CALN1: variants seen among roughly 807,000 people sequenced by gnomAD.
CALN1 encodes calcium-binding protein 8.
Under a neutral mutation model 30.6 loss-of-function variants are expected in CALN1, and 17 were observed. The observed-to-expected ratio is 0.56, with a 90% confidence interval of 0.38 to 0.83. The LOEUF (loss-of-function observed/expected upper bound fraction) is 0.83. Among genes scored for constraint, CALN1 ranks in the 40% least tolerant of loss-of-function variants. The pLI is 0.00. For synonymous variants in CALN1, 156 were observed against 131.4 expected (o/e 1.19, Z -1.28); for missense variants, 291 against 354.9 (o/e 0.82, Z 1.45).
At chr7:72,397,714 T>TCACACACACACACA (rs3138810) in intron 2 of CALN1, among the ~76,000 whole-genome samples, 5,799 of 142,786 alleles carry the variant, frequency 0.041, 155 homozygotes, top group Admixed American at 0.08. Flanking sequence ...CCATTCTCTC[T>TCACACACACACACA]CACACACACA....
chr7:71,981,443 C>T (rs763318123), intron 5 of CALN1, among the ~76,000 whole-genome samples: 5 of 151,996 alleles, frequency 3.3e-5, no homozygotes, highest in South Asian at 2.1e-4. Flanking sequence ...GAGGCTGAGG[C>T]GGAAGGATCA....
chr7:72,390,032 T>C (rs972536073), intron 2 of CALN1, among the ~76,000 whole-genome samples: 1 of 151,936 alleles, frequency 6.6e-6, no homozygotes, highest in Non-Finnish European at 1.5e-5. Flanking sequence ...TGGGGTAGTA[T>C]GATGAGTTCT....
chr7:72,413,532 C>A (rs930652994), upstream of CALN1, among the ~76,000 whole-genome samples: 3 of 151,800 alleles, frequency 2.0e-5, no homozygotes, highest in African/African-American at 7.3e-5. Context: ...CATAAACACG[C>A]ACACTCACAA....
At chr7:71,964,022 A>C (rs1331881740) in intron 5 of CALN1, among the ~76,000 whole-genome samples, 2 of 152,136 alleles carry the variant, frequency 1.3e-5, no homozygotes, top group Non-Finnish European at 2.9e-5. Flanking sequence ...TCCTGCTATG[A>C]ATCTCATTGT....
At chr7:71,941,592 A>C (rs1796134269) in intron 5 of CALN1, among the ~76,000 whole-genome samples, 1 of 152,214 alleles carries the variant, frequency 6.6e-6, no homozygotes, top group Non-Finnish European at 1.5e-5. Flanking sequence ...GAGAAATGCA[A>C]ATGAAAAGCA....
At chr7:72,183,656 G>C (rs146665899) in intron 3 of CALN1, among the ~76,000 whole-genome samples, 10 of 152,200 alleles carry the variant, frequency 6.6e-5, no homozygotes, top group Non-Finnish European at 7.3e-5. Flanking sequence ...ACATGACAGA[G>C]TGTATTAGCA....
intron 5 of CALN1, among the ~76,000 whole-genome samples, chr7:71,960,245 T>C (rs1797182451): frequency 6.6e-6 from 1 of 152,032 alleles, no homozygotes; most frequent in Admixed American, 6.6e-5. Context: ...GTTTCTTACA[T>C]GTATATATTG....
At chr7:71,954,815 T>C (rs1275422164) in intron 5 of CALN1, among the ~76,000 whole-genome samples, 7 of 152,136 alleles carry the variant, frequency 4.6e-5, no homozygotes, top group African/African-American at 1.7e-4. Flanking sequence ...CTGGCAGCAG[T>C]GAGTACAGAC....
At chr7:72,440,593 G>A (rs556828314) in intron 1 of CALN1, among the ~76,000 whole-genome samples, 2 of 152,260 alleles carry the variant, frequency 1.3e-5, no homozygotes, top group Admixed American at 6.5e-5. Flanking sequence ...TTGGAAGGCT[G>A]AGGCAGGCGG....
chr7:72,447,608 A>G (rs1043156992), upstream of CALN1, among the ~76,000 whole-genome samples: 1 of 152,134 alleles, frequency 6.6e-6, no homozygotes, highest in Non-Finnish European at 1.5e-5. Context: ...TCCTGAGAGC[A>G]CTGCCACTTA....
chr7:72,066,795 T>C (rs1264900434), intron 4 of CALN1, among the ~76,000 whole-genome samples: 1 of 151,854 alleles, frequency 6.6e-6, no homozygotes, highest in African/African-American at 2.4e-5. Context: ...TTATTTTTTT[T>C]TTTTGAGACA....
intron 2 of CALN1, among the ~76,000 whole-genome samples, chr7:72,281,930 T>C (rs1797755778): frequency 1.3e-5 from 2 of 152,086 alleles, no homozygotes; most frequent in African/African-American, 4.8e-5. Flanking sequence ...ACCAACATAA[T>C]TTGCTTCTGA....
At chr7:71,803,190 A>T (rs1787407934) in intron 6 of CALN1, among the ~76,000 whole-genome samples, 1 of 152,166 alleles carries the variant, frequency 6.6e-6, no homozygotes, top group Non-Finnish European at 1.5e-5. Context: ...AATGCCAGAG[A>T]GTTCCTGAAT....
At chr7:72,501,995 A>G in the CALN1 span, among the ~76,000 whole-genome samples, 5 of 133,920 alleles carry the variant, frequency 3.7e-5, 1 homozygote, top group African/African-American at 1.5e-4. Flanking sequence ...ATATATATAA[A>G]TATATATACA....
rs778356826 is a variant in CALN1 at position 72,114,243 on chromosome 7, T to G, written c.245-7949A>C. Reference sequence around the variant, plus strand: ...GTAAAGTAAAAGTAAAAATAAAAGTTGAAGGGAAGGGAAGGGAAGGGAAGG... The same window carrying G: ...GTAAAGTAAAAGTAAAAATAAAAGTGGAAGGGAAGGGAAGGGAAGGGAAGG... On this transcript the variant is annotated intron_variant, in intron 3 of 6. Coordinates refer to ENST00000395275, the MANE Select transcript of CALN1 (RefSeq NM_031468.4). Among the ~76,000 whole-genome samples, 38 of 40,414 alleles carry G rather than the reference T, an allele frequency of 9.4e-4. 5 individuals are homozygous for G. In the East Asian group the frequency reaches 0.069, roughly 73 times the overall value. 26.5% of individuals were successfully genotyped at this position (40,414 alleles called of 152,430 possible). A position where few individuals can be genotyped will look rare whatever the true frequency, so the allele number is the denominator to read the frequency against.
the CALN1 span, among the ~76,000 whole-genome samples, chr7:72,501,090 C>A: frequency 6.6e-6 from 1 of 152,050 alleles, no homozygotes; most frequent in Non-Finnish European, 1.5e-5. Flanking sequence ...CTTCCCATAT[C>A]TTCCAAGAAG....
chr7:72,000,139 A>G (rs1799454562), intron 5 of CALN1, among the ~76,000 whole-genome samples: 1 of 152,162 alleles, frequency 6.6e-6, no homozygotes, highest in African/African-American at 2.4e-5. Flanking sequence ...ATACAAAACA[A>G]AAAGCTACAA....
intron 5 of CALN1, among the ~76,000 whole-genome samples, chr7:71,837,392 T>C (rs986369977): frequency 2.0e-5 from 3 of 152,076 alleles, no homozygotes; most frequent in African/African-American, 7.2e-5. Context: ...AAGAAAACAT[T>C]GTGCAAATAT....
At chr7:72,477,009 G>A in the CALN1 span, among the ~76,000 whole-genome samples, 2 of 152,194 alleles carry the variant, frequency 1.3e-5, no homozygotes, top group South Asian at 2.1e-4. Context: ...TTAGGAGTTC[G>A]AGACCAGCCT....
Sources: allele counts gnomAD v4.1 joint callset (sites outside exome capture counted in the v4.1 genomes callset), GRCh38; gene constraint gnomAD v4.1.1; transcripts MANE v1.5; gene names NCBI Gene and HGNC (gene_info 2026-07-23, HGNC 2026-07-21).